BMP1: variants seen among roughly 807,000 people sequenced by gnomAD.
BMP1 encodes the protein bone morphogenetic protein 1.
BMP1 carries 63 observed loss-of-function variants against 116.8 expected under a neutral mutation model. The ratio of observed to expected loss-of-function variants is 0.54; its 90% CI spans 0.44 to 0.67. The LOEUF is 0.67. BMP1 is among the 30% of genes least tolerant of loss of function. The pLI, the probability that BMP1 is intolerant of heterozygous loss-of-function variation, is 0.00. For missense variants in BMP1, 1,183 were observed against 1,358.9 expected, an observed-to-expected ratio of 0.87 and a Z score of 2.04; for synonymous variants, 536 against 533.4, an observed-to-expected ratio of 1.00 and a Z score of -0.07.
Position 22,194,583 on chromosome 8 carries a change from C to T in BMP1, c.1436C>T (p.Ser479Phe), listed in dbSNP as rs772641740. Residue 479 changes from serine (S) to phenylalanine (F), a missense_variant, in exon 11 of 20, where the codon TCC (serine) becomes TTC (phenylalanine). This residue lies in a region of BMP1 where 956 missense variants were observed against 1,135.2 expected (regional missense o/e 0.84). Transcript: ENST00000306385. The surrounding 1 kb of genome is among the most constrained non-coding windows in gnomAD (Gnocchi z 4.5). ...EGFHVGLTFQSFEIERHDSCA... is the reference protein window; with the variant it reads ...EGFHVGLTFQFFEIERHDSCA... ...TTCCACGTGGGCCTCACATTCCAGT[C>T]CTTTGAGGTAGGTCAGTGGCCCTGT... 4.3e-6 allele frequency: 7 copies of T among 1,613,988 alleles called. 1 individual carries two copies. In the South Asian group the frequency reaches 7.7e-5, roughly 18 times the overall value.
intron 8 of BMP1, among the ~76,000 whole-genome samples, chr8:22,190,625 T>C (rs1015362096): frequency 3.3e-5 from 5 of 152,014 alleles, no homozygotes; most frequent in African/African-American, 1.2e-4. Context: ...GGCCAAGAAG[T>C]GGGAAGGGTC....
At chr8:22,177,182 G>A (rs569744473) in intron 5 of BMP1, 43 bp downstream of exon 5, 93 of 1,523,832 alleles carry the variant, frequency 6.1e-5, no homozygotes, top group South Asian at 2.0e-4. Flanking sequence ...GGCGGCTCCC[G>A]CCCCAGCCCC....
intron 19 of BMP1, among the ~76,000 whole-genome samples, chr8:22,210,568 A>G (rs34346314): frequency 0.32 from 47,807 of 151,650 alleles, 9,411 homozygotes; most frequent in African/African-American, 0.56. Flanking sequence ...TCATGGCTGT[A>G]TCCCAGGCAG....
intron 2 of BMP1, among the ~76,000 whole-genome samples, chr8:22,174,420 A>T (rs982390840): frequency 6.6e-6 from 1 of 151,720 alleles, no homozygotes; most frequent in Non-Finnish European, 1.5e-5. Context: ...ACTCCTAAAA[A>T]CCCATGTGGT....
In BMP1 at chr8:22,207,381, A is replaced by G. The variant is rs1396014404; in HGVS notation, c.2440A>G (p.Lys814Glu). ...AGAGGTGTTCGACGGGCGAGACGCC[A>G]AGGCCCCCGTCCTCGGCCGCTTCTG... ...HLEVFDGRDA[K>E]APVLGRFCGS... Residue 814 changes from lysine to glutamate, a missense_variant, in exon 18 of 20, where the codon AAG becomes GAG. Physicochemically the swap from Lys to Glu is moderately conservative, Grantham distance 56. This residue lies in a region of BMP1 where 956 missense variants were observed against 1,135.2 expected (regional missense o/e 0.84). Transcript: ENST00000306385. 3.1e-6 allele frequency: 5 copies of G among 1,614,208 alleles called. No individual in the cohort carries two copies. Among genetic ancestry groups the G allele is most frequent in the Admixed American group, 1.7e-5 (1 of 60,034 alleles).
At chr8:22,193,861 A>G (rs1304998484) in intron 9 of BMP1, among the ~76,000 whole-genome samples, 197 bp from the exon 10 acceptor site, 2 of 152,226 alleles carry the variant, frequency 1.3e-5, no homozygotes, top group Non-Finnish European at 2.9e-5. Flanking sequence ...CTATCCCTCA[A>G]GTGGTCTCTG....
At position 22,195,605 on chromosome 8, in the gene BMP1, G is replaced by A. The variant is rs1215128185; in HGVS notation, c.1765+18G>A. ...CTGTGAGGGTGAGTGCCCCCAGACT[G>A]CCTCTGACCCTGTTCTTTCCCTGGC... On this transcript the variant is annotated intron_variant, in intron 13 of 19. Coordinates refer to ENST00000306385, the MANE Select transcript of BMP1 (RefSeq NM_006129.5). 5.0e-6 allele frequency: 8 copies of A among 1,604,800 alleles called. No homozygotes were observed. Among genetic ancestry groups the A allele is most frequent in the South Asian group, 1.1e-5 (1 of 89,822 alleles).
intron 19 of BMP1, among the ~76,000 whole-genome samples, chr8:22,210,468 T>TCACACACA (rs1554488560): frequency 6.7e-4 from 91 of 135,404 alleles, no homozygotes; most frequent in Admixed American, 1.0e-3. Context: ...TCTCTCTCTC[T>TCACACACA]CACACACATA....
rs542142648 is a variant in BMP1 at position 22,175,162 on chromosome 8, G to A, written c.263-981G>A. 5.3e-4 allele frequency among the ~76,000 whole-genome samples: 80 copies of A among 152,324 alleles called. 1 individual carries two copies. The highest frequency in any genetic ancestry group is 1.8e-3 in the African/African-American group (76 of 41,576). ...GGAAAGCTGCATGGAGGGGTCCCCTGCTAACCCACCAGGTGACTTTGGCCA... is the reference window on the plus strand; with the variant it reads ...GGAAAGCTGCATGGAGGGGTCCCCTACTAACCCACCAGGTGACTTTGGCCA... On this transcript the variant is annotated intron_variant, in intron 2 of 19. Transcript: ENST00000306385.
chr8:22,209,888 C>T (rs1000703994), intron 19 of BMP1, among the ~76,000 whole-genome samples, 193 bp downstream of exon 19: 4 of 152,270 alleles, frequency 2.6e-5, no homozygotes, highest in Non-Finnish European at 5.9e-5. Context: ...GCCCCATCCC[C>T]GACGTAGGAA....
chr8:22,176,682 C>T (rs369139870), intron 4 of BMP1, 32 bp downstream of exon 4: 96 of 1,605,960 alleles, frequency 6.0e-5, no homozygotes, highest in Non-Finnish European at 8.0e-5. Context: ...CTGTACCTTC[C>T]GCCATTGCCC....
rs1441401505 is a variant in BMP1, at chr8:22,207,425, G to A, written c.2484G>A (p.Glu828=). The A allele has an allele frequency of 1.2e-6, 2 of 1,613,954 alleles. No individual in the cohort carries two copies. Among genetic ancestry groups the A allele is most frequent in the Non-Finnish European group, 1.7e-6 (2 of 1,180,050 alleles). Residue 828 remains glutamate (E), a synonymous_variant, in exon 18 of 20, where the codon GAG becomes GAA. Coordinates refer to ENST00000306385, the MANE Select transcript of BMP1 (RefSeq NM_006129.5). ...LGRFCGSKKP[E]PVLATGSRMF... ...GCTTCTGTGGGAGCAAGAAGCCCGAGCCCGTCCTGGCCACAGGCAGCCGCA... is the reference window on the plus strand; with the variant it reads ...GCTTCTGTGGGAGCAAGAAGCCCGAACCCGTCCTGGCCACAGGCAGCCGCA...
intron 19 of BMP1, among the ~76,000 whole-genome samples, chr8:22,210,466 T>TCACACACACACA (rs1224107610): frequency 0.053 from 5,341 of 101,046 alleles, 306 homozygotes; most frequent in African/African-American, 0.18. Flanking sequence ...TCTCTCTCTC[T>TCACACACACACA]CTCACACACA....
rs1828061595 is a variant in BMP1 at position 22,165,471 on chromosome 8, G to T, written c.66G>T (p.Pro22=). 6.3e-7 allele frequency: 1 copy of T among 1,583,256 alleles called. No homozygotes were observed. Among genetic ancestry groups the T allele is most frequent in the East Asian group, 2.5e-5 (1 of 40,484 alleles). Residue 22 remains proline (P), a synonymous_variant, in exon 1 of 20, where the codon CCG becomes CCT. Transcript: ENST00000306385. ...GLLLLPRPGR[P]LDLADYTYDL... is the part of the protein sequence containing the mutation. The stretch of plus-strand genomic sequence containing the variant: ...TGCTGCTCCCGCGTCCCGGCCGGCC[G>T]CTGGACTTGGCCGACTACACCTATG...
chr8:22,184,206 C>A (rs1828703688), intron 8 of BMP1, among the ~76,000 whole-genome samples: 1 of 152,244 alleles, frequency 6.6e-6, no homozygotes, highest in African/African-American at 2.4e-5. Context: ...AGGTGGCACG[C>A]TACTTACCTT....
chr8:22,176,103 T>C (rs745419685), intron 2 of BMP1, 40 bp from the exon 3 acceptor site: 2 of 1,600,698 alleles, frequency 1.2e-6, no homozygotes, highest in Non-Finnish European at 1.7e-6. Context: ...TTTCCTCCTC[T>C]TTCTCTCCAC....
At chr8:22,182,117 G>A (rs893691797) in intron 8 of BMP1, among the ~76,000 whole-genome samples, 3 of 152,150 alleles carry the variant, frequency 2.0e-5, no homozygotes, top group Non-Finnish European at 4.4e-5. Context: ...TTCCTTGATT[G>A]GGGCATGGTT....
rs575189967 is a variant in BMP1, at chr8:22,190,361, T to C, written c.1078-1688T>C. Among the ~76,000 whole-genome samples, 5 of 152,338 alleles carry C rather than the reference T, an allele frequency of 3.3e-5. No individual in the cohort carries two copies. In the South Asian group the frequency reaches 1.0e-3, roughly 32 times the overall value. ...AGAATAGAAGAAAAAGGATGGGCTG[T>C]GGAGCTAAGCTGGGTAAGGAGAGAG... On this transcript the variant is annotated intron_variant, in intron 8 of 19. Coordinates refer to ENST00000306385, the MANE Select transcript of BMP1 (RefSeq NM_006129.5).
At chr8:22,198,861 C>T in intron 15 of BMP1, 3 of 992,584 alleles carry the variant, frequency 3.0e-6, no homozygotes, top group Non-Finnish European at 3.8e-6. Context: ...TGAGACCCTC[C>T]CCATGCCAGG....
Sources: gnomAD v4.1 joint callset for allele counts (sites outside exome capture counted in the v4.1 genomes callset) on GRCh38, gnomAD v4.1.1 for gene constraint, gnomAD v4.1.1 regional missense constraint, Gnocchi (gnomAD v3.1) non-coding constraint, MANE v1.5 for transcripts, NCBI Gene and HGNC (gene_info 2026-07-23, HGNC 2026-07-21) for gene names.